The following ASXL2 variants were observed in gnomAD, a reference collection of about 807,000 sequenced individuals.
The protein encoded by ASXL2 is ASXL transcriptional regulator 2, also known as putative Polycomb group protein ASXL2.
A neutral mutation model predicts 122.0 loss-of-function variants in ASXL2; 23 were observed. That is an observed-to-expected ratio of 0.19 (90% CI 0.14 to 0.27). The LOEUF is 0.27. Ranked by LOEUF, ASXL2 falls within the 10% of genes least tolerant of loss-of-function variation. The pLI, the probability that ASXL2 is intolerant of heterozygous loss-of-function variation, is 1.00. For missense variants in ASXL2, 1,518 were observed against 1,713.8 expected (o/e 0.89, Z 2.02); for synonymous variants, 650 against 637.0 (o/e 1.02, Z -0.31).
At position 25,750,020 on chromosome 2, in the gene ASXL2, A is replaced by G. The variant is rs1484006626; in HGVS notation, c.1536T>C (p.Tyr512=). 6.2e-7 allele frequency: 1 copy of G among 1,613,950 alleles called. No individual in the cohort carries two copies. The highest frequency in any genetic ancestry group is 8.5e-7 in the Non-Finnish European group (1 of 1,179,874). ...AAGATTCTTGGCTTTCACTTTTGTT[A>G]TAATTAGAAGCTGTGGTGAGATGGT... The part of the protein sequence containing the change: ...EKNHLTTASN[Y]NKSESQESLV... The change falls in exon 12 of 13, where the codon TAT becomes TAC. Residue 512 remains tyrosine, a synonymous_variant. Transcript: ENST00000435504.
At chr2:25,828,067 T>A (rs2089399738) in intron 3 of ASXL2, among the ~76,000 whole-genome samples, 1 of 152,088 alleles carries the variant, frequency 6.6e-6, no homozygotes, top group African/African-American at 2.4e-5. Flanking sequence ...CCAGTAATTC[T>A]ATGTTCTATT....
At chr2:25,782,793 T>G (rs2088666734) in intron 5 of ASXL2, among the ~76,000 whole-genome samples, 1 of 152,186 alleles carries the variant, frequency 6.6e-6, no homozygotes. Flanking sequence ...TCTAGCTCTG[T>G]AACAGTGTTT....
chr2:25,876,811 T>G lies in ASXL2; in HGVS notation c.57+1355A>C, dbSNP rs77202851. Among the ~76,000 whole-genome samples, 553 of 152,308 alleles carry G rather than the reference T, an allele frequency of 3.6e-3. 9 individuals carry two copies. The East Asian group carries it at 0.075, about 21-fold the overall frequency. On this transcript the variant is annotated intron_variant, in intron 1 of 12. Transcript: ENST00000435504. ...GTAAAATGTGCTATTATTTCTTAAC[T>G]TTTTTACATTTCCAACTAAGAGAGA...
In ASXL2 at chr2:25,791,925, T is replaced by C. The variant is rs550776858; in HGVS notation, c.403+7460A>G. Among the ~76,000 whole-genome samples, 4 of 152,296 alleles carry C rather than the reference T, an allele frequency of 2.6e-5. No individual in the cohort carries two copies. In the South Asian group the frequency reaches 8.3e-4, roughly 32 times the overall value. The stretch of plus-strand genomic sequence containing the variant: ...GGTGGGGTTGACACCTCATTCAAAT[T>C]TGTTTCCCAAATACCTGGCAAATAA... On this transcript the variant is annotated intron_variant, in intron 5 of 12. Transcript: ENST00000435504.
At chr2:25,829,738 TTA>T (rs1239312969) in intron 3 of ASXL2, among the ~76,000 whole-genome samples, 1 of 152,154 alleles carries the variant, frequency 6.6e-6, no homozygotes, top group Non-Finnish European at 1.5e-5. Context: ...CGTTGCAAGT[TTA>T]TGTTCCCTCA....
At chr2:25,834,803 T>C (rs2089489566) in intron 3 of ASXL2, among the ~76,000 whole-genome samples, 1 of 151,986 alleles carries the variant, frequency 6.6e-6, no homozygotes, top group South Asian at 2.1e-4. Flanking sequence ...TGGTTTTAAG[T>C]ATCATGCCCC....
At chr2:25,827,373 C>T (rs141481119) in intron 3 of ASXL2, among the ~76,000 whole-genome samples, 3 of 152,152 alleles carry the variant, frequency 2.0e-5, no homozygotes. Flanking sequence ...AGCACACTTA[C>T]ATTGGAAATT....
At chr2:25,811,270 A>AT (rs1356851125) in intron 3 of ASXL2, among the ~76,000 whole-genome samples, 1 of 151,896 alleles carries the variant, frequency 6.6e-6, no homozygotes, top group Non-Finnish European at 1.5e-5. Context: ...AAATAAATAA[A>AT]TAAATAAATA....
At chr2:25,781,966 C>CTTTTTTT (rs35973982) in intron 5 of ASXL2, among the ~76,000 whole-genome samples, 3 of 81,044 alleles carry the variant, frequency 3.7e-5, no homozygotes, top group Admixed American at 2.9e-4. Context: ...GGGCTTTTTT[C>CTTTTTTT]TTTTTTTTTT....
In ASXL2 at chr2:25,768,132, T is replaced by C. The variant is rs17047142; in HGVS notation, c.632-406A>G. On this transcript the variant is annotated intron_variant, in intron 7 of 12. Coordinates refer to ENST00000435504, the MANE Select transcript of ASXL2 (RefSeq NM_018263.6). ...ATGTCCAAAAGAAACTCAAAGGTTG[T>C]ATGTATTCTTAGGAAACCCTGTTAT... Among the ~76,000 whole-genome samples the C allele has an allele frequency of 8.4e-3, 1,287 of 152,332 alleles. 10 individuals are homozygous for C. The highest frequency in any genetic ancestry group is 0.03 in the African/African-American group (1,253 of 41,584).
intron 7 of ASXL2, 146 bp from the exon 8 acceptor site, chr2:25,767,872 C>A (rs553529332): frequency 3.7e-5 from 35 of 938,320 alleles, no homozygotes; most frequent in Admixed American, 3.6e-4. Flanking sequence ...AAATTAAAGT[C>A]AAAGAGTAAA....
intron 3 of ASXL2, among the ~76,000 whole-genome samples, chr2:25,829,025 T>TGG (rs973216517): frequency 6.6e-6 from 1 of 152,134 alleles, no homozygotes; most frequent in African/African-American, 2.4e-5. Flanking sequence ...ACCATGTGAA[T>TGG]GGACTCCCAT....
Position 25,878,428 on chromosome 2 carries a change from C to CACTGCT in ASXL2, c.-212_-207dup. On this transcript the variant is annotated 5_prime_UTR_variant, in exon 1 of 13. Coordinates refer to ENST00000435504, the MANE Select transcript of ASXL2 (RefSeq NM_018263.6). Reference sequence around the variant, plus strand: ...CGGCCGGTCCTCTTGCTGCCGTTGCCACTGCTACCGCCGCTGCCATATTGG... The same window carrying CACTGCT: ...CGGCCGGTCCTCTTGCTGCCGTTGCCACTGCTACTGCTACCGCCGCTGCCATATTGG... The CACTGCT allele has an allele frequency of 1.7e-6, 1 of 598,240 alleles. No homozygotes were observed. Among genetic ancestry groups the CACTGCT allele is most frequent in the Non-Finnish European group, 3.0e-6 (1 of 337,334 alleles). 37.1% of individuals were successfully genotyped at this position (598,240 alleles called of 1,614,324 possible).
Position 25,741,852 on chromosome 2 carries a change from T to G in ASXL2, c.*177A>C. The G allele has an allele frequency of 1.6e-6, 1 of 613,760 alleles. No homozygotes were observed. Among genetic ancestry groups the G allele is most frequent in the Non-Finnish European group, 2.8e-6 (1 of 357,936 alleles). 38.0% of individuals were successfully genotyped at this position (613,760 alleles called of 1,614,324 possible). On this transcript the variant is annotated 3_prime_UTR_variant, in exon 13 of 13. Transcript: ENST00000435504. ...CTTGACTTAGACTTACTATACAAGG[T>G]GCTCTTCCTCTAAAATGTAAAAAAT...
chr2:25,767,866 T>A, intron 7 of ASXL2, 140 bp from the exon 8 acceptor site: 1 of 983,524 alleles, frequency 1.0e-6, no homozygotes, highest in Non-Finnish European at 1.5e-6. Flanking sequence ...GTTTGAAAAT[T>A]AAAGTCAAAG....
intron 4 of ASXL2, among the ~76,000 whole-genome samples, chr2:25,802,132 C>T (rs1332291486): frequency 6.6e-6 from 1 of 152,160 alleles, no homozygotes; most frequent in Admixed American, 6.5e-5. Flanking sequence ...CCTGGAAGGC[C>T]CTTCTTCTTA....
rs549348359 is a variant in ASXL2, at chr2:25,828,842, A to C, written c.143+6696T>G. On this transcript the variant is annotated intron_variant, in intron 3 of 12. Coordinates refer to ENST00000435504, the MANE Select transcript of ASXL2 (RefSeq NM_018263.6). ...TGTGTCTCAAAAAAAAAAAAAAAAAAAAAAAACAACAACCTTGTCCAATCT... is the reference window on the plus strand; with the variant it reads ...TGTGTCTCAAAAAAAAAAAAAAAAACAAAAAACAACAACCTTGTCCAATCT... 1.7e-3 allele frequency among the ~76,000 whole-genome samples: 251 copies of C among 150,752 alleles called. 2 individuals carry two copies. The highest frequency in any genetic ancestry group is 5.8e-3 in the African/African-American group (238 of 41,232).
intron 3 of ASXL2, 67 bp from the exon 4 acceptor site, chr2:25,806,404 TA>T: frequency 9.6e-7 from 1 of 1,047,020 alleles, no homozygotes. Context: ...ATATCCTATG[TA>T]ACACTCAAAA....
intron 1 of ASXL2, among the ~76,000 whole-genome samples, chr2:25,848,432 C>T (rs2089675371): frequency 6.6e-6 from 1 of 151,732 alleles, no homozygotes; most frequent in Non-Finnish European, 1.5e-5. Context: ...ACCATCCTGG[C>T]TAACATGGTA....
Sources: allele counts gnomAD v4.1 joint callset (sites outside exome capture counted in the v4.1 genomes callset), GRCh38; gene constraint gnomAD v4.1.1; transcripts MANE v1.5; gene names NCBI Gene and HGNC (gene_info 2026-07-23, HGNC 2026-07-21).